The following PHKA1 variants were observed in gnomAD, a reference collection of about 807,000 sequenced individuals.
PHKA1 encodes phosphorylase b kinase regulatory subunit alpha, skeletal muscle isoform.
Under a neutral mutation model 110.2 loss-of-function variants are expected in PHKA1, and 60 were observed. That is an observed-to-expected ratio of 0.54 (90% CI 0.44 to 0.68). PHKA1 has a LOEUF of 0.68. PHKA1 is among the 30% of genes least tolerant of loss of function. The pLI is 0.00. For missense variants in PHKA1, 801 were observed against 942.5 expected (o/e 0.85, Z 1.97); for synonymous variants, 316 against 333.6 (o/e 0.95, Z 0.58).
At chrX:72,690,489 G>A (rs1275668258) in intron 4 of PHKA1, among the ~76,000 whole-genome samples, 1 of 111,063 alleles carries the variant, frequency 9.0e-6, no homozygotes, top group Non-Finnish European at 1.9e-5. Flanking sequence ...TATAAGAAGA[G>A]GAAGACACAC....
chrX:72,691,915 G>C (rs1291506401), intron 4 of PHKA1, among the ~76,000 whole-genome samples: 2 of 112,115 alleles, frequency 1.8e-5, no homozygotes, highest in Non-Finnish European at 3.8e-5. Context: ...CTGGTGGCAA[G>C]AGTTGATGTC....
intron 14 of PHKA1, among the ~76,000 whole-genome samples, chrX:72,641,962 T>C (rs73218380): frequency 0.12 from 12,968 of 111,415 alleles, 794 homozygotes; most frequent in Admixed American, 0.22. Context: ...GATTATTTAG[T>C]TGCATGGCTA....
intron 2 of PHKA1, among the ~76,000 whole-genome samples, chrX:72,710,042 CAAAA>C (rs374071163): frequency 5.2e-5 from 1 of 19,256 alleles, no homozygotes; most frequent in South Asian, 4.1e-3. Flanking sequence ...ACTTAGTCTT[CAAAA>C]AAAAAAAAAA....
intron 5 of PHKA1, among the ~76,000 whole-genome samples, chrX:72,679,190 C>T (rs1480040046): frequency 9.0e-6 from 1 of 111,658 alleles, no homozygotes; most frequent in African/African-American, 3.3e-5. Flanking sequence ...CTTCATAATT[C>T]AGGGGGCATG....
intron 12 of PHKA1, 55 bp downstream of exon 12, chrX:72,652,489 T>A (rs2053442030): frequency 3.0e-6 from 2 of 668,597 alleles, no homozygotes; most frequent in Admixed American, 4.6e-5. Flanking sequence ...AAAATCTGAT[T>A]ATTATGGTGA....
intron 6 of PHKA1, among the ~76,000 whole-genome samples, chrX:72,671,947 T>C (rs1295235350): frequency 8.9e-6 from 1 of 111,965 alleles, no homozygotes; most frequent in Non-Finnish European, 1.9e-5. Flanking sequence ...CAAAATGGAT[T>C]AAAGACTTAA....
Position 72,582,532 on chromosome X carries a change from C to G in PHKA1, c.3364G>C (p.Glu1122Gln), listed in dbSNP as rs202007590. 57 of 1,202,417 alleles carry G rather than the reference C, an allele frequency of 4.7e-5. No individual in the cohort carries two copies. The highest frequency in any genetic ancestry group is 1.5e-4 in the Admixed American group (7 of 45,707). The change falls in exon 31 of 32, where the codon GAG becomes CAG. Residue 1122 changes from glutamate (E) to glutamine (Q), a missense_variant. This residue lies in a region of PHKA1 where 502 missense variants were observed against 519.2 expected (regional missense o/e 0.97). Transcript: ENST00000373542. Reference protein sequence around the residue: ...ESVLNRVPQPEYRQLLVEAIL... With the variant: ...ESVLNRVPQPQYRQLLVEAIL... ...GCTTCAACCAGCAGCTGACGGTACT[C>G]TGGCTGAGGTACACGATTCAGGACA...
At chrX:72,618,652 A>G (rs1177272404) in intron 21 of PHKA1, 58 bp downstream of exon 21, 2 of 982,303 alleles carry the variant, frequency 2.0e-6, no homozygotes, top group Non-Finnish European at 2.9e-6. Flanking sequence ...TCTATTTATT[A>G]TGCTATAATT....
chrX:72,642,760 T>C (rs2053312587), intron 14 of PHKA1, among the ~76,000 whole-genome samples: 2 of 111,684 alleles, frequency 1.8e-5, no homozygotes, highest in Admixed American at 9.5e-5. Context: ...TATTTTATAA[T>C]ATTCAAGCTA....
intron 5 of PHKA1, among the ~76,000 whole-genome samples, chrX:72,682,244 G>A (rs1284855990): frequency 1.7e-4 from 16 of 93,400 alleles, no homozygotes; most frequent in African/African-American, 5.8e-4. Flanking sequence ...AGGTTGGGGG[G>A]TCAGCCCCCC....
chrX:72,663,714 G>T (rs1467523232), intron 8 of PHKA1, among the ~76,000 whole-genome samples: 1 of 101,112 alleles, frequency 9.9e-6, no homozygotes, highest in Non-Finnish European at 2.0e-5. Context: ...GGAAGAGAAT[G>T]AGATGATATA....
At chrX:72,608,898 T>A (rs782072123) in intron 23 of PHKA1, among the ~76,000 whole-genome samples, 1 of 112,042 alleles carries the variant, frequency 8.9e-6, no homozygotes, top group Non-Finnish European at 1.9e-5. Context: ...ATTCTTCAGA[T>A]CATTTATGAA....
In PHKA1 at chrX:72,618,828, T is replaced by C; in HGVS notation, c.2251A>G (p.Ile751Val). The C allele has an allele frequency of 8.3e-7, 1 of 1,205,653 alleles. No homozygotes were observed. Among genetic ancestry groups the C allele is most frequent in the Non-Finnish European group, 1.1e-6 (1 of 890,083 alleles). Residue 751 changes from isoleucine to valine, a missense_variant, in exon 21 of 32, where the codon ATA (isoleucine) becomes GTA (valine). Coordinates refer to ENST00000373542, the MANE Select transcript of PHKA1 (RefSeq NM_002637.4). The part of the protein sequence containing the change: ...ENQVPSVRVE[I>V]HLPRDQSGEV... ...CCAGACTGGTCTCTAGGAAGATGTATTTCTACACGAACAGAGGGAACCTTT... is the reference window on the plus strand; with the variant it reads ...CCAGACTGGTCTCTAGGAAGATGTACTTCTACACGAACAGAGGGAACCTTT...
chrX:72,586,644 A>G lies in PHKA1; in HGVS notation c.3244-2342T>C, dbSNP rs1233476500. On this transcript the variant is annotated intron_variant, in intron 29 of 31. Transcript: ENST00000373542. Reference sequence around the variant, plus strand: ...ACAACAAACTTCTCTGAGCTAAAGGAGGATGTTTGAACCCATCACAAGGAA... The same window carrying G: ...ACAACAAACTTCTCTGAGCTAAAGGGGGATGTTTGAACCCATCACAAGGAA... Among the ~76,000 whole-genome samples the G allele has an allele frequency of 1.3e-4, 14 of 111,043 alleles. No homozygotes were observed. The Admixed American group carries it at 1.3e-3, about 11-fold the overall frequency.
At chrX:72,593,516 T>C (rs899413108) in intron 28 of PHKA1, 17 of 320,827 alleles carry the variant, frequency 5.3e-5, no homozygotes, top group Non-Finnish European at 7.2e-5. Context: ...TAACTTTTTG[T>C]ATTTTTAGTA....
chrX:72,590,945 C>T (rs942955142), intron 29 of PHKA1, among the ~76,000 whole-genome samples: 9 of 111,752 alleles, frequency 8.1e-5, no homozygotes, highest in East Asian at 5.6e-4. Flanking sequence ...TAAATAGGAA[C>T]GCTTTTACAC....
chrX:72,713,551 C>A (rs1029710589), intron 1 of PHKA1, among the ~76,000 whole-genome samples: 7 of 110,775 alleles, frequency 6.3e-5, no homozygotes, highest in Non-Finnish European at 1.1e-4. Context: ...AATGAACTAG[C>A]GAACTAGCAA....
rs370665123 is a variant in PHKA1, at chrX:72,644,461, T to C, written c.1360A>G (p.Ile454Val). Residue 454 changes from isoleucine to valine, a missense_variant, in exon 14 of 32, where the codon ATT becomes GTT. By Grantham distance (29) the Ile-to-Val change is conservative. Coordinates refer to ENST00000373542, the MANE Select transcript of PHKA1 (RefSeq NM_002637.4). The stretch of plus-strand genomic sequence containing the variant: ...ACGTAAATTCCCTTGTCCTTCAAAA[T>C]GGTCTTGATTTCTTCTGTTTCAGCT... ...ILAETEEIKT[I>V]LKDKGIYVET... The C allele has an allele frequency of 7.5e-6, 9 of 1,207,357 alleles. No homozygotes were observed. The highest frequency in any genetic ancestry group is 1.0e-5 in the Non-Finnish European group (9 of 893,379).
intron 23 of PHKA1, among the ~76,000 whole-genome samples, chrX:72,608,568 G>A (rs562642859): frequency 1.8e-5 from 2 of 111,255 alleles, no homozygotes; most frequent in Non-Finnish European, 3.8e-5. Flanking sequence ...CTTTAAGCCC[G>A]CGGTGGTGAA....
Sources: gnomAD v4.1 joint callset for allele counts (sites outside exome capture counted in the v4.1 genomes callset) on GRCh38, gnomAD v4.1.1 for gene constraint, gnomAD v4.1.1 regional missense constraint, MANE v1.5 for transcripts, NCBI Gene and HGNC (gene_info 2026-07-23, HGNC 2026-07-21) for gene names.